The following INO80 variants were observed in gnomAD, a reference collection of about 807,000 sequenced individuals.
The protein encoded by INO80 is INO80 complex ATPase subunit, also known as chromatin-remodeling ATPase INO80.
In INO80, 20 loss-of-function variants were observed where a neutral mutation model predicts 203.4. The ratio of observed to expected loss-of-function variants is 0.10; its 90% CI spans 0.07 to 0.14. The LOEUF (loss-of-function observed/expected upper bound fraction) is 0.14. Ranked by LOEUF, INO80 falls within the 10% of genes least tolerant of loss-of-function variation. The probability of loss-of-function intolerance (pLI) is 1.00; values close to 1 mark genes in which losing one functional copy is unlikely to be tolerated. For synonymous variants in INO80, 726 were observed against 685.2 expected, an observed-to-expected ratio of 1.06 and a Z score of -0.93; for missense variants, 1,419 against 1,914.4, an observed-to-expected ratio of 0.74 and a Z score of 4.83.
chr15:41,112,409 GAT>G (rs2140719162), intron 1 of INO80, among the ~76,000 whole-genome samples: 1 of 152,286 alleles, frequency 6.6e-6, no homozygotes, highest in African/African-American at 2.4e-5. Context: ...AGAGTTGTCT[GAT>G]ATTAGTGCCT....
At chr15:40,987,367 T>A (rs1156994331) in intron 30 of INO80, among the ~76,000 whole-genome samples, 174 bp from the exon 31 acceptor site, 1 of 152,240 alleles carries the variant, frequency 6.6e-6, no homozygotes, top group Admixed American at 6.5e-5. Context: ...CCAGATTATT[T>A]GTCCGACAGA....
intron 17 of INO80, 28 bp from the exon 18 acceptor site, chr15:41,055,392 C>T (rs2044964192): frequency 1.4e-6 from 2 of 1,441,910 alleles, no homozygotes; most frequent in Non-Finnish European, 1.9e-6. Context: ...AATGAAATAG[C>T]TATAGAGCAA....
At position 41,074,536 on chromosome 15, in the gene INO80, G is replaced by A. The variant is rs2045373704; in HGVS notation, c.1161C>T (p.Phe387=). Reference sequence around the variant, plus strand: ...CATACAACTCTGTCTGGGTAATTAAGAAGTTGAGTTTTCGCTGTTGCCTCT... The same window carrying A: ...CATACAACTCTGTCTGGGTAATTAAAAAGTTGAGTTTTCGCTGTTGCCTCT... The part of the protein sequence containing the change: ...EAKRQQRKLN[F]LITQTELYAH... Residue 387 remains phenylalanine, a synonymous_variant, in exon 10 of 36, where the codon TTC becomes TTT. Transcript: ENST00000648947. 6.2e-7 allele frequency: 1 copy of A among 1,611,194 alleles called. No homozygotes were observed. The highest frequency in any genetic ancestry group is 1.7e-5 in the Admixed American group (1 of 59,512).
intron 19 of INO80, among the ~76,000 whole-genome samples, chr15:41,053,398 C>A (rs528287681): frequency 4.6e-5 from 7 of 152,276 alleles, no homozygotes; most frequent in African/African-American, 1.7e-4. Context: ...AGCCACCGTG[C>A]CCGGCTACAA....
In INO80 at chr15:40,985,417, C is replaced by T. The variant is rs141223506; in HGVS notation, c.3842G>A (p.Arg1281Gln). The T allele has an allele frequency of 2.1e-3, 3,344 of 1,612,958 alleles. 11 individuals carry two copies. Among genetic ancestry groups the T allele is most frequent in the Non-Finnish European group, 2.6e-3 (3,012 of 1,179,026 alleles). Reference sequence around the variant, plus strand: ...CTCCTGTTGCCGTTTCTCTTCCTGCCGCAGCCTCACTATCAAGAAAATGAA... The same window carrying T: ...CTCCTGTTGCCGTTTCTCTTCCTGCTGCAGCCTCACTATCAAGAAAATGAA... ...DEELEKKLRL[R>Q]QEEKRQQEET... Residue 1281 changes from arginine (R) to glutamine (Q), a missense_variant, in exon 32 of 36, where the codon CGG becomes CAG. Coordinates refer to ENST00000648947, the MANE Select transcript of INO80 (RefSeq NM_017553.3).
intron 28 of INO80, among the ~76,000 whole-genome samples, chr15:40,998,477 C>T (rs1027598028): frequency 1.3e-5 from 2 of 152,030 alleles, no homozygotes; most frequent in South Asian, 4.2e-4. Flanking sequence ...GTCAACATAC[C>T]CCTTACATAC....
At chr15:41,010,854 C>T (rs2044124404) in intron 27 of INO80, among the ~76,000 whole-genome samples, 1 of 152,206 alleles carries the variant, frequency 6.6e-6, no homozygotes, top group Non-Finnish European at 1.5e-5. Context: ...ATATGGTCCA[C>T]AAACCTGCAG....
At chr15:41,000,928 G>T (rs1384374684) in intron 28 of INO80, among the ~76,000 whole-genome samples, 1 of 152,016 alleles carries the variant, frequency 6.6e-6, no homozygotes, top group East Asian at 1.9e-4. Flanking sequence ...GTATTGAAAA[G>T]ATGCCTTGTG....
At chr15:41,052,674 C>CAAAAA (rs60685375) in intron 19 of INO80, among the ~76,000 whole-genome samples, 1 of 107,224 alleles carries the variant, frequency 9.3e-6, no homozygotes, top group Non-Finnish European at 2.0e-5. Flanking sequence ...CCTTGTCTTA[C>CAAAAA]AAAAAAAAAA....
rs2045459109 is a variant in INO80, at chr15:41,079,822, C to T, written c.1010G>A (p.Arg337His). 3.7e-6 allele frequency: 6 copies of T among 1,614,068 alleles called. No homozygotes were observed. The highest frequency in any genetic ancestry group is 5.1e-6 in the Non-Finnish European group (6 of 1,179,998). ...CAGAAGCATCTCCTTGGTGAGGCGG[C>T]GGGCACGAGGCAAGGTTTCCTTACA... is the stretch of plus-strand genomic sequence containing the variant. Reference protein sequence around the residue: ...KNCKETLPRARRLTKEMLLYW... With the variant: ...KNCKETLPRAHRLTKEMLLYW... The change falls in exon 9 of 36, where the codon CGC becomes CAC. Residue 337 changes from arginine (R) to histidine (H), a missense_variant. This residue lies in a region of INO80 where 87 missense variants were observed against 150.5 expected (regional missense o/e 0.58). Coordinates refer to ENST00000648947, the MANE Select transcript of INO80 (RefSeq NM_017553.3).
intron 14 of INO80, among the ~76,000 whole-genome samples, chr15:41,066,695 C>T (rs114639848): frequency 1.3e-4 from 19 of 151,444 alleles, no homozygotes; most frequent in African/African-American, 2.4e-5. Context: ...CAGGGTGTGG[C>T]GCTGCATGCC....
chr15:41,039,594 GCTGTT>G (rs2140507730), intron 24 of INO80, among the ~76,000 whole-genome samples: 1 of 152,276 alleles, frequency 6.6e-6, no homozygotes, highest in South Asian at 2.1e-4. Context: ...TTGGGAAAAG[GCTGTT>G]CTGAAGGTAG....
intron 1 of INO80, among the ~76,000 whole-genome samples, chr15:41,101,358 T>C (rs2045804821): frequency 6.6e-6 from 1 of 152,132 alleles, no homozygotes; most frequent in African/African-American, 2.4e-5. Context: ...CTACCAATTG[T>C]TTCTCATTCT....
intron 5 of INO80, among the ~76,000 whole-genome samples, chr15:41,090,910 A>G (rs1249909815): frequency 2.7e-5 from 4 of 150,604 alleles, no homozygotes; most frequent in African/African-American, 4.9e-5. Flanking sequence ...TTGATTCCAG[A>G]GAATTTTAGA....
chr15:41,011,364 T>C (rs1463342823), intron 27 of INO80, among the ~76,000 whole-genome samples: 2 of 152,226 alleles, frequency 1.3e-5, no homozygotes, highest in Admixed American at 1.3e-4. Flanking sequence ...TTTGTGTATG[T>C]ATATGTCTCC....
At chr15:41,063,427 C>A (rs1305399454) in intron 14 of INO80, among the ~76,000 whole-genome samples, 3 of 152,058 alleles carry the variant, frequency 2.0e-5, no homozygotes, top group African/African-American at 7.2e-5. Context: ...ACTTAAAACT[C>A]AATATATCAG....
rs2046030631 is a variant in INO80, at chr15:41,116,024, G to A, written c.-95C>T. On this transcript the variant is annotated 5_prime_UTR_variant, in exon 1 of 36. Transcript: ENST00000648947. ...GACGGCGGCGGAGGGGGGGCGGGGT[G>A]CGGGCGGGGTCCGGAGGGGGGGGTC... 7.6e-6 allele frequency: 3 copies of A among 392,618 alleles called. No individual in the cohort carries two copies. Among genetic ancestry groups the A allele is most frequent in the South Asian group, 1.3e-4 (1 of 7,802 alleles). 24.3% of individuals were successfully genotyped at this position (392,618 alleles called of 1,614,324 possible).
At chr15:41,018,735 T>C (rs1434776072) in intron 26 of INO80, 2 of 152,228 alleles carry the variant, frequency 1.3e-5, no homozygotes, top group Admixed American at 1.3e-4. Flanking sequence ...GGCTGGTATT[T>C]GTTAGCCAAG....
intron 25 of INO80, among the ~76,000 whole-genome samples, chr15:41,025,434 G>A (rs1230615245): frequency 6.6e-6 from 1 of 152,156 alleles, no homozygotes. Context: ...CTGGGAACAG[G>A]CTGGGCACAG....
Sources: gnomAD v4.1 joint callset for allele counts (sites outside exome capture counted in the v4.1 genomes callset) on GRCh38, gnomAD v4.1.1 for gene constraint, gnomAD v4.1.1 regional missense constraint, MANE v1.5 for transcripts, NCBI Gene and HGNC (gene_info 2026-07-23, HGNC 2026-07-21) for gene names.